ABCB11: variants seen among roughly 807,000 people sequenced by gnomAD.
ABCB11 encodes bile salt export pump.
ABCB11 carries 95 observed loss-of-function variants against 148.0 expected under a neutral mutation model. That is an observed-to-expected ratio of 0.64 (90% confidence interval 0.54 to 0.76). ABCB11 has a LOEUF of 0.76. Ranked by LOEUF, ABCB11 falls within the 30% of genes least tolerant of loss-of-function variation. The probability of loss-of-function intolerance (pLI) is 0.00; values close to 1 mark genes in which losing one functional copy is unlikely to be tolerated. For missense variants in ABCB11, 1,523 were observed against 1,617.8 expected, an observed-to-expected ratio of 0.94 and a Z score of 1.01; for synonymous variants, 591 against 555.4, an observed-to-expected ratio of 1.06 and a Z score of -0.90.
chr2:168,941,247 T>C (rs990915856), intron 21 of ABCB11, among the ~76,000 whole-genome samples: 3 of 152,012 alleles, frequency 2.0e-5, no homozygotes, highest in African/African-American at 7.2e-5. Context: ...CCATTCTAGA[T>C]GCCATTAAGA....
chr2:168,995,855 T>G (rs1429154786), intron 6 of ABCB11, among the ~76,000 whole-genome samples: 2 of 151,640 alleles, frequency 1.3e-5, no homozygotes, highest in African/African-American at 4.8e-5. Context: ...GTGAATTTCC[T>G]CCCGGAAAGA....
At chr2:168,982,450 T>C (rs1394644539) in intron 10 of ABCB11, among the ~76,000 whole-genome samples, 1 of 152,150 alleles carries the variant, frequency 6.6e-6, no homozygotes, top group Non-Finnish European at 1.5e-5. Flanking sequence ...CATTATGTGT[T>C]TATTTTTATT....
intron 12 of ABCB11, among the ~76,000 whole-genome samples, chr2:168,974,705 G>A (rs1283433436): frequency 6.6e-6 from 1 of 151,876 alleles, no homozygotes; most frequent in Non-Finnish European, 1.5e-5. Context: ...GTTTAAGTAA[G>A]AAGATTTTAT....
chr2:169,003,351 T>TGTGTGTGTGTGC (rs1553471294), intron 5 of ABCB11, among the ~76,000 whole-genome samples: 122 of 145,650 alleles, frequency 8.4e-4, no homozygotes, highest in Middle Eastern at 7.3e-3. Context: ...TGTGTGTGCA[T>TGTGTGTGTGTGC]ATATATATAT....
chr2:168,970,285 T>C (rs1461446302), intron 14 of ABCB11, 70 bp from the exon 15 acceptor site: 2 of 1,557,556 alleles, frequency 1.3e-6, no homozygotes, highest in African/African-American at 1.4e-5. Flanking sequence ...TCCACTATAA[T>C]GTCCTTTCTG....
At chr2:169,007,575 A>G (rs909139912) in intron 5 of ABCB11, among the ~76,000 whole-genome samples, 7 of 152,238 alleles carry the variant, frequency 4.6e-5, no homozygotes. Context: ...GGCCAGAGCC[A>G]TTAAAAGAAA....
intron 25 of ABCB11, 127 bp downstream of exon 25, chr2:168,930,538 G>A: frequency 1.6e-6 from 1 of 614,992 alleles, no homozygotes; most frequent in Non-Finnish European, 2.5e-6. Flanking sequence ...TGGAAAATAT[G>A]CATGGGGTAA....
At chr2:169,017,316 T>C (rs1195900749) in intron 2 of ABCB11, among the ~76,000 whole-genome samples, 2 of 151,996 alleles carry the variant, frequency 1.3e-5, no homozygotes, top group African/African-American at 4.8e-5. Context: ...CCAGTGTAGG[T>C]CAGAATAGAT....
chr2:168,924,945 G>T, intron 26 of ABCB11, 142 bp from the exon 27 acceptor site: 1 of 578,048 alleles, frequency 1.7e-6, no homozygotes, highest in Non-Finnish European at 2.8e-6. Flanking sequence ...CCTATAGGAT[G>T]GAGGATGTCA....
chr2:168,928,438 T>C (rs1242474369), intron 25 of ABCB11, among the ~76,000 whole-genome samples: 11 of 152,086 alleles, frequency 7.2e-5, no homozygotes, highest in Admixed American at 2.0e-4. Context: ...ACGCCTACAT[T>C]TGGTAGATTA....
chr2:168,971,969 C>T lies in ABCB11; in HGVS notation c.1516G>A (p.Val506Ile). ...DQIGIVEQEPVLFSTTIAENI... is the reference protein window; with the variant it reads ...DQIGIVEQEPILFSTTIAENI... ...TCTGCAATGGTGGTAGAGAACAGAA[C>T]TGGCTCTTGCTCCACTATCCCAATC... Residue 506 changes from valine to isoleucine, a missense_variant, in exon 14 of 28, where the codon GTT (valine) becomes ATT (isoleucine). By Grantham distance (29) the Val-to-Ile change is conservative (BLOSUM62 3). Coordinates refer to ENST00000650372, the MANE Select transcript of ABCB11 (RefSeq NM_003742.4). 1 of 1,613,050 alleles carries T rather than the reference C, an allele frequency of 6.2e-7. No homozygotes were observed. Among genetic ancestry groups the T allele is most frequent in the Non-Finnish European group, 8.5e-7 (1 of 1,179,398 alleles).
At chr2:168,924,307 C>T (rs1340487266) in intron 27 of ABCB11, among the ~76,000 whole-genome samples, 1 of 152,124 alleles carries the variant, frequency 6.6e-6, no homozygotes, top group South Asian at 2.1e-4. Context: ...CTTTGTGTTG[C>T]ATGTGGCCTA....
intron 13 of ABCB11, 21 bp downstream of exon 13, chr2:168,973,694 G>A: frequency 6.2e-7 from 1 of 1,610,442 alleles, no homozygotes; most frequent in South Asian, 1.1e-5. Context: ...ATGTATTGAG[G>A]AGTTTCTGGA....
Position 168,927,330 on chromosome 2 carries a change from A to G in ABCB11, c.3444T>C (p.Asn1148=). ...MIDGHDSKKV[N]VQFLRSNIGI... ...CAATGTTTGAGCGGAGGAACTGGAC[A>G]TTTACTTTTTTGCTGTCATGACCAT... Residue 1148 remains asparagine (N), a synonymous_variant, in exon 26 of 28, where the codon AAT becomes AAC. Coordinates refer to ENST00000650372, the MANE Select transcript of ABCB11 (RefSeq NM_003742.4). 1.2e-6 allele frequency: 2 copies of G among 1,613,880 alleles called. No individual in the cohort carries two copies. Among genetic ancestry groups the G allele is most frequent in the South Asian group, 1.1e-5 (1 of 91,070 alleles).
intron 19 of ABCB11, among the ~76,000 whole-genome samples, chr2:168,954,254 ATT>A (rs1692690796): frequency 8.9e-6 from 1 of 112,910 alleles, no homozygotes; most frequent in Non-Finnish European, 2.1e-5. Flanking sequence ...GTTTGATGAA[ATT>A]CTGTTATGCC....
At chr2:169,013,731 G>A (rs541362379) in intron 4 of ABCB11, among the ~76,000 whole-genome samples, 2 of 152,266 alleles carry the variant, frequency 1.3e-5, no homozygotes, top group Admixed American at 1.3e-4. Context: ...GTTAGATCAT[G>A]TTATAAATTT....
chr2:168,956,649 T>C (rs1692805910), intron 19 of ABCB11, among the ~76,000 whole-genome samples: 1 of 151,516 alleles, frequency 6.6e-6, no homozygotes, highest in Admixed American at 6.6e-5. Context: ...TCTCTCTCCT[T>C]GAAGCAGTGC....
chr2:168,952,172 T>C (rs548784423), intron 19 of ABCB11, among the ~76,000 whole-genome samples: 15 of 151,870 alleles, frequency 9.9e-5, no homozygotes, highest in African/African-American at 3.6e-4. Flanking sequence ...TCATCAGAGA[T>C]ATTGGTCTGT....
Position 168,936,330 on chromosome 2 carries a change from A to T in ABCB11, c.2714T>A (p.Leu905Ter). 1 of 1,613,994 alleles carries T rather than the reference A, an allele frequency of 6.2e-7. No homozygotes were observed. ...TAAAGCCAAGAAGGGGAAGAAGCAC[A>T]AGATGACCAGGCTCAGCTTCCAGCT... ...SFSWKLSLVI[L>*]CFFPFLALSG... is the part of the protein sequence containing the mutation. The change falls in exon 22 of 28, where the codon TTG becomes TAG. Residue 905 changes from leucine (L) to a stop codon, truncating the protein, a stop_gained. Coordinates refer to ENST00000650372, the MANE Select transcript of ABCB11 (RefSeq NM_003742.4). LOFTEE classifies it high-confidence loss of function.
Sources: allele counts gnomAD v4.1 joint callset (sites outside exome capture counted in the v4.1 genomes callset), GRCh38; gene constraint gnomAD v4.1.1; transcripts MANE v1.5; gene names NCBI Gene and HGNC (gene_info 2026-07-23, HGNC 2026-07-21).